Variants in CDC25B observed in about 807,000 individuals in gnomAD.
CDC25B encodes the protein M-phase inducer phosphatase 2.
CDC25B carries 33 observed loss-of-function variants against 69.8 expected under a neutral mutation model. The ratio of observed to expected loss-of-function variants is 0.47; its 90% CI spans 0.36 to 0.63. CDC25B has a LOEUF of 0.63. Ranked by LOEUF, CDC25B falls within the 30% of genes least tolerant of loss-of-function variation. The pLI is 0.00. For synonymous variants in CDC25B, 341 were observed against 314.6 expected, an observed-to-expected ratio of 1.08 and a Z score of -0.89; for missense variants, 727 against 809.1, an observed-to-expected ratio of 0.90 and a Z score of 1.23.
chr20:3,805,453 T>G lies in CDC25B; in HGVS notation c.*492T>G. On this transcript the variant is annotated 3_prime_UTR_variant, in exon 16 of 16. Transcript: ENST00000245960. ...TGTAGGAACCGTGGTATGTCTGCCA[T>G]GTTGCCCCTTTCTCTTTTCCCCTTT... 3.8e-6 allele frequency: 1 copy of G among 262,590 alleles called. No individual in the cohort carries two copies. Among genetic ancestry groups the G allele is most frequent in the South Asian group, 1.4e-4 (1 of 7,176 alleles). 16.3% of individuals were successfully genotyped at this position (262,590 alleles called of 1,614,324 possible). A position where few individuals can be genotyped will look rare whatever the true frequency, so the allele number is the denominator to read the frequency against.
Position 3,803,518 on chromosome 20 carries a change from T to C in CDC25B, c.1471T>C (p.Ser491Pro), listed in dbSNP as rs1350254777. 6.2e-7 allele frequency: 1 copy of C among 1,613,938 alleles called. No homozygotes were observed. The highest frequency in any genetic ancestry group is 2.2e-5 in the East Asian group (1 of 44,880). The part of the protein sequence containing the change: ...VILIFHCEFS[S>P]ERGPRMCRFI... The stretch of plus-strand genomic sequence containing the variant: ...CCTCATTTTCCACTGTGAATTCTCA[T>C]CTGAGCGTGGGCCCCGCATGTGAGT... Residue 491 changes from serine (S) to proline (P), a missense_variant, in exon 14 of 16, where the codon TCT (serine) becomes CCT (proline). By Grantham distance (74) the Ser-to-Pro change is moderately conservative (BLOSUM62 -1). Transcript: ENST00000245960. This position sits in a 1 kb window ranked among gnomAD's most constrained non-coding sequence, Gnocchi z 4.9.
At chr20:3,792,242 TTCTTTAAAATACAGAC>T (rs2088927335), upstream of CDC25B, among the ~76,000 whole-genome samples, 2 of 152,148 alleles carry the variant, frequency 1.3e-5, no homozygotes, top group African/African-American at 4.8e-5. Context: ...TGTTTGTATA[TTCTTTAAAATACAGAC>T]GGATTTACGC....
At chr20:3,794,802 GC>G (rs1317794417), upstream of CDC25B, among the ~76,000 whole-genome samples, 4 of 152,148 alleles carry the variant, frequency 2.6e-5, no homozygotes, top group Admixed American at 1.3e-4. Context: ...GGCCCACCCA[GC>G]CCCCCATCAC....
chr20:3,799,534 G>GCGCGCGCT lies in CDC25B; in HGVS notation c.381-750_381-749insCGCTCGCG, dbSNP rs1187727448. On this transcript the variant is annotated intron_variant, in intron 3 of 15. Coordinates refer to ENST00000245960, the MANE Select transcript of CDC25B (RefSeq NM_021873.4). ...TGTGTGTGTGTGTGTGTGCGCGCGC[G>GCGCGCGCT]CGCGTAGATGCACAAAAGCTCCGCG... is the stretch of plus-strand genomic sequence containing the variant. 4.6e-3 allele frequency among the ~76,000 whole-genome samples: 690 copies of GCGCGCGCT among 150,994 alleles called. 9 individuals are homozygous for GCGCGCGCT. The highest frequency in any genetic ancestry group is 0.016 in the African/African-American group (649 of 40,816).
At position 3,800,012 on chromosome 20, in the gene CDC25B, T is replaced by G. The variant is rs11569996; in HGVS notation, c.381-276T>G. Among the ~76,000 whole-genome samples, 1,419 of 152,266 alleles carry G rather than the reference T, an allele frequency of 9.3e-3. 28 individuals carry two copies. The highest frequency in any genetic ancestry group is 0.032 in the African/African-American group (1,344 of 41,538). On this transcript the variant is annotated intron_variant, in intron 3 of 15. Coordinates refer to ENST00000245960, the MANE Select transcript of CDC25B (RefSeq NM_021873.4). ...GACTGTTGCCTTGGTGACGCCTCCC[T>G]GACCCTGACCTGCCCCAGCTGTCTC...
Position 3,801,998 on chromosome 20 carries a change from C to T in CDC25B, c.996C>T (p.Ile332=), listed in dbSNP as rs1257045310. The part of the protein sequence containing the change: ...PSMPCSVIRP[I]LKRLERPQDR... Reference sequence around the variant, plus strand: ...TGCCCTGCAGCGTGATCCGGCCCATCCTCAAGAGGCTGGAGCGGCCCCAGG... The same window carrying T: ...TGCCCTGCAGCGTGATCCGGCCCATTCTCAAGAGGCTGGAGCGGCCCCAGG... The change falls in exon 10 of 16, where the codon ATC becomes ATT. Residue 332 remains isoleucine (I), a synonymous_variant. Transcript: ENST00000245960. 2.0e-5 allele frequency: 32 copies of T among 1,606,792 alleles called. No homozygotes were observed. Among genetic ancestry groups the T allele is most frequent in the Non-Finnish European group, 2.5e-5 (30 of 1,176,888 alleles).
Position 3,796,718 on chromosome 20 carries a change from G to A in CDC25B, c.187G>A (p.Ala63Thr), listed in dbSNP as rs145700972. ...CCTCACCCAGACCATGCACGACCTC[G>A]CCGGGCTCGGCAGGTAGGACACCCC... is the stretch of plus-strand genomic sequence containing the variant. The part of the protein sequence containing the change: ...TTLTQTMHDL[A>T]GLGSETPKSQ... The change falls in exon 1 of 16, where the codon GCC (alanine) becomes ACC (threonine). Residue 63 changes from alanine (A) to threonine (T), a missense_variant. By Grantham distance (58) the Ala-to-Thr change is moderately conservative. This residue lies in a region of CDC25B where 368 missense variants were observed against 345.6 expected (regional missense o/e 1.06). Transcript: ENST00000245960. 117 of 1,568,532 alleles carry A rather than the reference G, an allele frequency of 7.5e-5. No homozygotes were observed. Among genetic ancestry groups the A allele is most frequent in the Admixed American group, 1.8e-4 (10 of 56,274 alleles).
In CDC25B at chr20:3,803,195, G is replaced by A; in HGVS notation, c.1345G>A (p.Gly449Arg). 3 of 1,612,374 alleles carry A rather than the reference G, an allele frequency of 1.9e-6. No individual in the cohort carries two copies. The highest frequency in any genetic ancestry group is 1.7e-6 in the Non-Finnish European group (2 of 1,178,584). Residue 449 changes from glycine to arginine, a missense_variant, in exon 13 of 16, where the codon GGG (glycine) becomes AGG (arginine). Transcript: ENST00000245960. The surrounding 1 kb of genome is among the most constrained non-coding windows in gnomAD (Gnocchi z 4.9). ...DCRYPYEYEG[G>R]HIKTAVNLPL... ...CAGATACCCCTATGAATATGAAGGC[G>A]GGCACATCAAGGTAAGATGGGGCAA...
upstream of CDC25B, among the ~76,000 whole-genome samples, chr20:3,794,166 A>G (rs2088967564): frequency 2.7e-5 from 4 of 150,824 alleles, no homozygotes; most frequent in South Asian, 8.5e-4. Context: ...TCCCTGAGGA[A>G]TCGCCACACT....
chr20:3,796,755 A>C, intron 1 of CDC25B, 24 bp downstream of exon 1: 1 of 1,545,906 alleles, frequency 6.5e-7, no homozygotes, highest in Non-Finnish European at 8.7e-7. Context: ...AGGAGGCTGC[A>C]TATGGGGGTG....
rs779489769 is a variant in CDC25B, at chr20:3,804,902, C to G, written c.1684C>G (p.Arg562Gly). The change falls in exon 16 of 16, where the codon CGC becomes GGC. Residue 562 changes from arginine to glycine, a missense_variant. Coordinates refer to ENST00000245960, the MANE Select transcript of CDC25B (RefSeq NM_021873.4). ...DELKTFRLKTRSWAGERSRRE... is the reference protein window; with the variant it reads ...DELKTFRLKTGSWAGERSRRE... ...GCTAAAGACCTTCCGCCTCAAGACT[C>G]GCAGCTGGGCTGGGGAGCGGAGCCG... The G allele has an allele frequency of 6.2e-7, 1 of 1,614,072 alleles. No homozygotes were observed. The highest frequency in any genetic ancestry group is 2.2e-5 in the East Asian group (1 of 44,886).
chr20:3,803,517 A>G lies in CDC25B; in HGVS notation c.1470A>G (p.Ser490=), dbSNP rs1294576063. 1.2e-6 allele frequency: 2 copies of G among 1,612,014 alleles called. No individual in the cohort carries two copies. The highest frequency in any genetic ancestry group is 1.7e-5 in the Admixed American group (1 of 59,970). ...RVILIFHCEF[S]SERGPRMCRF... ...TCCTCATTTTCCACTGTGAATTCTC[A>G]TCTGAGCGTGGGCCCCGCATGTGAG... The change falls in exon 14 of 16, where the codon TCA becomes TCG. Residue 490 remains serine (S), a synonymous_variant. Transcript: ENST00000245960. The surrounding 1 kb of genome is among the most constrained non-coding windows in gnomAD (Gnocchi z 4.9).
At chr20:3,789,341 T>C (rs1369138427) in intron 1 of CDC25B, among the ~76,000 whole-genome samples, 1 of 152,190 alleles carries the variant, frequency 6.6e-6, no homozygotes, top group East Asian at 1.9e-4. Context: ...TAGCTAGGAC[T>C]ACAGGCATGA....
upstream of CDC25B, among the ~76,000 whole-genome samples, chr20:3,792,507 G>A (rs371840524): frequency 2.0e-5 from 3 of 151,108 alleles, no homozygotes; most frequent in East Asian, 2.0e-4. Flanking sequence ...TGCTCTTTTC[G>A]CCCAGGCTGG....
intron 1 of CDC25B, chr20:3,787,164 C>T (rs771864311): frequency 3.0e-6 from 2 of 659,160 alleles, no homozygotes; most frequent in South Asian, 3.5e-5. Flanking sequence ...CATTTCCTTC[C>T]AGTCTTTTCT....
chr20:3,789,283 G>A (rs1049731650), intron 1 of CDC25B, among the ~76,000 whole-genome samples: 10 of 152,198 alleles, frequency 6.6e-5, no homozygotes, highest in Admixed American at 2.6e-4. Flanking sequence ...CACCCAGGAC[G>A]GAGTACAGTT....
chr20:3,800,275 TTC>T lies in CDC25B; in HGVS notation c.381-9_381-8del, dbSNP rs1568507002. 1 of 1,613,800 alleles carries T rather than the reference TTC, an allele frequency of 6.2e-7. No homozygotes were observed. The highest frequency in any genetic ancestry group is 8.5e-7 in the Non-Finnish European group (1 of 1,179,912). Reference sequence around the variant, plus strand: ...AGGGAGCATGGGTTGCATGGGACCCTTCTCTGTCCTAGGTTTGAACAGGCCAT... The same window carrying T: ...AGGGAGCATGGGTTGCATGGGACCCTTCTGTCCTAGGTTTGAACAGGCCAT... On this transcript the variant is annotated splice_polypyrimidine_tract_variant and intron_variant, in intron 3 of 15. Transcript: ENST00000245960.
Position 3,801,910 on chromosome 20 carries a change from G to A in CDC25B, c.922-14G>A, listed in dbSNP as rs2089295339. 1 of 1,602,366 alleles carries A rather than the reference G, an allele frequency of 6.2e-7. No homozygotes were observed. ...GCCTGGGCACCCTGATCCCTAACCT[G>A]CTGTCCCTGCCAGGACCTCGTCATG... On this transcript the variant is annotated splice_polypyrimidine_tract_variant and intron_variant, in intron 9 of 15. Coordinates refer to ENST00000245960, the MANE Select transcript of CDC25B (RefSeq NM_021873.4).
chr20:3,796,104 G>T (rs894717779), upstream of CDC25B: 21 of 1,019,168 alleles, frequency 2.1e-5, no homozygotes, highest in Non-Finnish European at 2.2e-5. Flanking sequence ...GGATCCTCGC[G>T]CCAGGGGGAT....
Sources: allele counts gnomAD v4.1 joint callset (sites outside exome capture counted in the v4.1 genomes callset), GRCh38; gene constraint gnomAD v4.1.1; regional missense constraint gnomAD v4.1.1; non-coding constraint Gnocchi (gnomAD v3.1); transcripts MANE v1.5; gene names NCBI Gene and HGNC (gene_info 2026-07-23, HGNC 2026-07-21).